SLC4A5: variants seen among roughly 807,000 people sequenced by gnomAD.
SLC4A5 encodes solute carrier family 4 member 5.
In SLC4A5, 96 loss-of-function variants were observed where a neutral mutation model predicts 120.4. That is an observed-to-expected ratio of 0.80 (90% confidence interval 0.68 to 0.94). The LOEUF (loss-of-function observed/expected upper bound fraction) is 0.94. Ranked by LOEUF, SLC4A5 falls within the 40% of genes least tolerant of loss-of-function variation. The pLI, the probability that SLC4A5 is intolerant of heterozygous loss-of-function variation, is 0.00. For missense variants in SLC4A5, 1,259 were observed against 1,459.5 expected (o/e 0.86, Z 2.24); for synonymous variants, 550 against 571.1 (o/e 0.96, Z 0.53).
chr2:74,264,116 C>A lies in SLC4A5; in HGVS notation c.715+31G>T, dbSNP rs147002778. Reference sequence around the variant, plus strand: ...AGGGCCTGATACTGGCCCTGCATGTCCCATGCCTACCAGCGTAAGGCCTGA... The same window carrying A: ...AGGGCCTGATACTGGCCCTGCATGTACCATGCCTACCAGCGTAAGGCCTGA... On this transcript the variant is annotated intron_variant, in intron 10 of 30. Transcript: ENST00000394019. 287 of 1,605,306 alleles carry A rather than the reference C, an allele frequency of 1.8e-4. 1 individual carries two copies. In the East Asian group the frequency reaches 5.9e-3, roughly 33 times the overall value.
At chr2:74,314,848 C>T (rs1323563371) in intron 6 of SLC4A5, 97 bp downstream of exon 6, 2 of 1,129,156 alleles carry the variant, frequency 1.8e-6, no homozygotes, top group African/African-American at 1.5e-5. Context: ...AAGGGACCTG[C>T]TCCCTAGACT....
At chr2:74,283,430 CG>C (rs1671876661) in intron 8 of SLC4A5, among the ~76,000 whole-genome samples, 1 of 152,180 alleles carries the variant, frequency 6.6e-6, no homozygotes, top group Non-Finnish European at 1.5e-5. Context: ...ACACAGGGAC[CG>C]GGCCCAGATG....
intron 6 of SLC4A5, among the ~76,000 whole-genome samples, chr2:74,310,846 A>G (rs1243603824): frequency 1.3e-5 from 2 of 151,166 alleles, no homozygotes; most frequent in African/African-American, 2.4e-5. Flanking sequence ...TTCTGCTTCT[A>G]TTTTCTGGAA....
At chr2:74,222,167 G>A (rs116135512) in intron 29 of SLC4A5, among the ~76,000 whole-genome samples, 21 of 152,274 alleles carry the variant, frequency 1.4e-4, no homozygotes, top group African/African-American at 4.8e-4. Context: ...GGAAAAGCTT[G>A]GTTCTGAGCC....
chr2:74,310,258 T>C (rs1055006032), intron 6 of SLC4A5, among the ~76,000 whole-genome samples: 6 of 152,236 alleles, frequency 3.9e-5, no homozygotes, highest in African/African-American at 1.2e-4. Flanking sequence ...AAAGATGTTT[T>C]ATTTCTTCTT....
At chr2:74,283,838 CTTT>C (rs1215361312) in intron 8 of SLC4A5, among the ~76,000 whole-genome samples, 4 of 139,198 alleles carry the variant, frequency 2.9e-5, no homozygotes, top group Admixed American at 7.2e-5. Flanking sequence ...AATCTTATTC[CTTT>C]TTTTTTTTTT....
chr2:74,249,291 A>T (rs930900853), intron 17 of SLC4A5, among the ~76,000 whole-genome samples: 4 of 152,174 alleles, frequency 2.6e-5, no homozygotes, highest in Non-Finnish European at 5.9e-5. Flanking sequence ...CCTCCCTAGA[A>T]GTAGATAAGT....
intron 7 of SLC4A5, among the ~76,000 whole-genome samples, chr2:74,303,015 A>ACT (rs1446509021): frequency 3.1e-5 from 4 of 127,094 alleles, no homozygotes; most frequent in African/African-American, 1.6e-4. Flanking sequence ...CCTGAGCAGG[A>ACT]CTGTGTGTGT....
chr2:74,235,356 C>T (rs1343319052), intron 21 of SLC4A5, 142 bp from the exon 22 acceptor site: 1 of 623,698 alleles, frequency 1.6e-6, no homozygotes, highest in East Asian at 2.8e-5. Flanking sequence ...AATCCAGGCT[C>T]TGCTCCTTGC....
intron 2 of SLC4A5, among the ~76,000 whole-genome samples, 178 bp downstream of exon 2, chr2:74,342,280 A>G (rs573977234): frequency 7.4e-4 from 113 of 152,250 alleles, no homozygotes; most frequent in Middle Eastern, 3.4e-3. Flanking sequence ...TGCAGTGGAG[A>G]TGTATGAGTG....
intron 21 of SLC4A5, among the ~76,000 whole-genome samples, chr2:74,238,957 A>G (rs1670351176): frequency 6.6e-6 from 1 of 152,262 alleles, no homozygotes; most frequent in South Asian, 2.1e-4. Context: ...AAACTCTTGC[A>G]AATCAGAAAG....
At chr2:74,294,267 G>A (rs1672262278) in intron 7 of SLC4A5, among the ~76,000 whole-genome samples, 1 of 152,192 alleles carries the variant, frequency 6.6e-6, no homozygotes, top group Non-Finnish European at 1.5e-5. Context: ...AACAACCTCA[G>A]TGTGAAATCA....
chr2:74,330,430 A>C (rs1673326772), intron 4 of SLC4A5, among the ~76,000 whole-genome samples: 1 of 147,716 alleles, frequency 6.8e-6, no homozygotes, highest in South Asian at 2.2e-4. Flanking sequence ...GGTGAGGTCT[A>C]GATGGAGATG....
chr2:74,259,567 T>C (rs770383727), intron 12 of SLC4A5, 21 bp downstream of exon 12: 2 of 1,613,858 alleles, frequency 1.2e-6, no homozygotes, highest in Non-Finnish European at 1.7e-6. Context: ...CCATTGCAGC[T>C]AAGTGCAGGG....
At chr2:74,258,592 T>C (rs896790396) in intron 12 of SLC4A5, among the ~76,000 whole-genome samples, 3 of 152,232 alleles carry the variant, frequency 2.0e-5, no homozygotes, top group Non-Finnish European at 4.4e-5. Context: ...GGAGTTAGAC[T>C]GCCTAGGTCA....
chr2:74,235,291 A>G, intron 21 of SLC4A5, 77 bp from the exon 22 acceptor site: 2 of 1,050,062 alleles, frequency 1.9e-6, no homozygotes, highest in Non-Finnish European at 1.4e-6. Context: ...GTCCTCCGGC[A>G]GCAAAGAGGT....
intron 6 of SLC4A5, among the ~76,000 whole-genome samples, chr2:74,309,305 C>T (rs561865040): frequency 2.6e-5 from 4 of 152,160 alleles, no homozygotes; most frequent in African/African-American, 4.8e-5. Context: ...CATTAAATTG[C>T]CTTTGTGTCT....
intron 8 of SLC4A5, among the ~76,000 whole-genome samples, chr2:74,283,597 AGT>A (rs762658116): frequency 6.6e-6 from 1 of 152,108 alleles, no homozygotes; most frequent in African/African-American, 2.4e-5. Context: ...TACCCAGGCT[AGT>A]GAGGGAGATG....
At chr2:74,266,260 A>G (rs1671299206) in intron 8 of SLC4A5, among the ~76,000 whole-genome samples, 1 of 152,110 alleles carries the variant, frequency 6.6e-6, no homozygotes, top group Non-Finnish European at 1.5e-5. Context: ...AGACCTGTAT[A>G]TCCATGGGAA....
Sources: allele counts gnomAD v4.1 joint callset (sites outside exome capture counted in the v4.1 genomes callset), GRCh38; gene constraint gnomAD v4.1.1; transcripts MANE v1.5; gene names NCBI Gene and HGNC (gene_info 2026-07-23, HGNC 2026-07-21).